PIEZO2: variants seen among roughly 807,000 people sequenced by gnomAD.
The protein encoded by PIEZO2 is piezo type mechanosensitive ion channel component 2.
Under a neutral mutation model 337.3 loss-of-function variants are expected in PIEZO2, and 172 were observed. The observed-to-expected ratio is 0.51, with a 90% CI of 0.45 to 0.58. The LOEUF (loss-of-function observed/expected upper bound fraction) is 0.58, where lower values mean the gene tolerates loss of function less well. Ranked by LOEUF, PIEZO2 falls within the 20% of genes least tolerant of loss-of-function variation. The pLI, the probability that PIEZO2 is intolerant of heterozygous loss-of-function variation, is 0.00. For synonymous variants in PIEZO2, 1,251 were observed against 1,228.5 expected (o/e 1.02, Z -0.38); for missense variants, 3,028 against 3,391.3 (o/e 0.89, Z 2.66).
intron 3 of PIEZO2, among the ~76,000 whole-genome samples, chr18:10,915,427 G>A (rs1430959607): frequency 6.6e-6 from 1 of 151,550 alleles, no homozygotes; most frequent in African/African-American, 2.4e-5. Context: ...ATCTCAAAGA[G>A]CACTCAAGAT....
At chr18:10,908,282 C>T (rs1179985591) in intron 4 of PIEZO2, 1 of 152,104 alleles carries the variant, frequency 6.6e-6, no homozygotes, top group Non-Finnish European at 1.5e-5. Flanking sequence ...TTTTTTTATT[C>T]TTGGAGAAAA....
chr18:10,939,259 T>G (rs1193514417), intron 3 of PIEZO2, among the ~76,000 whole-genome samples: 4 of 152,102 alleles, frequency 2.6e-5, no homozygotes, highest in Non-Finnish European at 5.9e-5. Flanking sequence ...TGCAAAAAAG[T>G]TATATTATCT....
Position 10,714,813 on chromosome 18 carries a change from G to A in PIEZO2, c.5374C>T (p.Gln1792Ter). ...AAACTATCCATCCTGTGGGCTGTCT[G>A]TGCACCTGAAGCAGCTCCGGGATGC... Reference protein sequence around the residue: ...DEHPGAASGAQTAHRMDSLDS... With the variant: ...DEHPGAASGA The change falls in exon 39 of 56, where the codon CAG becomes TAG. Residue 1792 changes from glutamine to a stop codon, truncating the protein, a stop_gained. Coordinates refer to ENST00000674853, the MANE Select transcript of PIEZO2 (RefSeq NM_001378183.1). LOFTEE classifies it high-confidence loss of function. 1 of 1,537,246 alleles carries A rather than the reference G, an allele frequency of 6.5e-7. No homozygotes were observed. The highest frequency in any genetic ancestry group is 8.7e-7 in the Non-Finnish European group (1 of 1,146,900).
intron 3 of PIEZO2, among the ~76,000 whole-genome samples, chr18:10,963,068 C>T (rs886672920): frequency 1.1e-4 from 16 of 152,010 alleles, no homozygotes; most frequent in Non-Finnish European, 1.9e-4. Context: ...GGGTGGATCA[C>T]GAGGTCAGGA....
In PIEZO2 at chr18:10,953,259, T is replaced by C. The variant is rs1186913127; in HGVS notation, c.286+26276A>G. On this transcript the variant is annotated intron_variant, in intron 3 of 55. Transcript: ENST00000674853. This position sits in a 1 kb window ranked among gnomAD's most constrained non-coding sequence, Gnocchi z 5.2. The stretch of plus-strand genomic sequence containing the variant: ...CTTCATTTTGATGAAGTGTAATTTA[T>C]CAGTTTTTTCTCTTATGAGTTGTGA... 3.3e-5 allele frequency among the ~76,000 whole-genome samples: 5 copies of C among 152,184 alleles called. No homozygotes were observed. Among genetic ancestry groups the C allele is most frequent in the Admixed American group, 3.3e-4 (5 of 15,270 alleles).
intron 7 of PIEZO2, among the ~76,000 whole-genome samples, chr18:10,829,924 AG>A (rs2040792345): frequency 6.6e-6 from 1 of 151,592 alleles, no homozygotes. Context: ...CATTCTTCAC[AG>A]AAGTAGAAAA....
chr18:10,745,521 G>A lies in PIEZO2; in HGVS notation c.4425-1290C>T, dbSNP rs1288566415. Among the ~76,000 whole-genome samples the A allele has an allele frequency of 3.3e-5, 5 of 152,004 alleles. No individual in the cohort carries two copies. The East Asian group carries it at 5.8e-4, about 18-fold the overall frequency. On this transcript the variant is annotated intron_variant, in intron 30 of 55. Transcript: ENST00000674853. ...CTTTGACCCCACTGTCAAGGTCACC[G>A]ATTTCAATGTTCAGTTGTTATTTTT...
intron 36 of PIEZO2, chr18:10,728,062 A>C (rs539311225): frequency 6.5e-6 from 1 of 152,796 alleles, no homozygotes; most frequent in African/African-American, 2.4e-5. Context: ...AAAATGCTAA[A>C]AGTGTTTAAA....
At chr18:10,880,214 A>G (rs887685162) in intron 4 of PIEZO2, among the ~76,000 whole-genome samples, 20 of 152,210 alleles carry the variant, frequency 1.3e-4, no homozygotes, top group African/African-American at 3.6e-4. Flanking sequence ...ATAATGACCA[A>G]TTGAGGCACT....
chr18:10,805,376 C>A (rs934663765), intron 8 of PIEZO2, among the ~76,000 whole-genome samples: 2 of 152,030 alleles, frequency 1.3e-5, no homozygotes, highest in Non-Finnish European at 1.5e-5. Context: ...ATTAGCCAGG[C>A]GTGGTGTCGG....
chr18:11,116,643 G>C lies in PIEZO2; in HGVS notation c.64+31882C>G, dbSNP rs553244093. 2.0e-5 allele frequency among the ~76,000 whole-genome samples: 3 copies of C among 151,950 alleles called. No individual in the cohort carries two copies. The highest frequency in any genetic ancestry group is 4.4e-5 in the Non-Finnish European group (3 of 67,996). On this transcript the variant is annotated intron_variant, in intron 1 of 55. Transcript: ENST00000674853. This position sits in a 1 kb window ranked among gnomAD's most constrained non-coding sequence, Gnocchi z 5.0. ...AGGCAGGAGAATGGCGTGAACCCGGGAGGCGTAGCTTGCAGTGAGCCGAGA... is the reference window on the plus strand; with the variant it reads ...AGGCAGGAGAATGGCGTGAACCCGGCAGGCGTAGCTTGCAGTGAGCCGAGA...
intron 2 of PIEZO2, among the ~76,000 whole-genome samples, chr18:11,010,664 G>A (rs1291879993): frequency 6.6e-6 from 1 of 152,122 alleles, no homozygotes; most frequent in Admixed American, 6.5e-5. Context: ...TTGAAATGGG[G>A]GGCTCTGAGA....
At chr18:11,029,667 A>G (rs1168546675) in intron 2 of PIEZO2, among the ~76,000 whole-genome samples, 1 of 151,884 alleles carries the variant, frequency 6.6e-6, no homozygotes. Context: ...TTCTTCCTTC[A>G]TTCCTCCCCA....
intron 45 of PIEZO2, among the ~76,000 whole-genome samples, chr18:10,697,087 C>A (rs2035126316): frequency 6.6e-6 from 1 of 152,210 alleles, no homozygotes; most frequent in Non-Finnish European, 1.5e-5. Flanking sequence ...CCCACATACT[C>A]CCCTGGCCTT....
Position 11,021,625 on chromosome 18 carries a change from T to G in PIEZO2, c.161-41965A>C, listed in dbSNP as rs1449158395. ...ACCAAGTGGGGTTCCTGGGGGACTT[T>G]GAGTCTCACGGATCTGGTGATCCAG... On this transcript the variant is annotated intron_variant, in intron 2 of 55. Transcript: ENST00000674853. The surrounding 1 kb of genome is among the most constrained non-coding windows in gnomAD (Gnocchi z 4.7). Among the ~76,000 whole-genome samples, 7 of 152,222 alleles carry G rather than the reference T, an allele frequency of 4.6e-5. No individual in the cohort carries two copies. Among genetic ancestry groups the G allele is most frequent in the Non-Finnish European group, 2.9e-5 (2 of 68,044 alleles).
In PIEZO2 at chr18:10,671,189, C is replaced by T. The variant is rs1567930830; in HGVS notation, c.*338G>A. The stretch of plus-strand genomic sequence containing the variant: ...TGCACGGGCCCCACAGAGGAAAACA[C>T]AGGCATCTTTCTTTCTGACTCCTCT... On this transcript the variant is annotated 3_prime_UTR_variant, in exon 56 of 56. Coordinates refer to ENST00000674853, the MANE Select transcript of PIEZO2 (RefSeq NM_001378183.1). 4.6e-6 allele frequency: 1 copy of T among 218,004 alleles called. No homozygotes were observed. Among genetic ancestry groups the T allele is most frequent in the African/African-American group, 2.4e-5 (1 of 42,524 alleles). The allele number at this position is 218,004 out of a possible 1,614,324, so 13.5% of individuals were successfully genotyped here. A position where few individuals can be genotyped will look rare whatever the true frequency, so the allele number is the denominator to read the frequency against.
Position 11,129,911 on chromosome 18 carries a change from C to T in PIEZO2, c.64+18614G>A, listed in dbSNP as rs1206069874. On this transcript the variant is annotated intron_variant, in intron 1 of 55. Coordinates refer to ENST00000674853, the MANE Select transcript of PIEZO2 (RefSeq NM_001378183.1). This position sits in a 1 kb window ranked among gnomAD's most constrained non-coding sequence, Gnocchi z 4.6. ...AGTGGATCCAGTGGGTCCCCAGCCT[C>T]ATCCTGTGGTCATTTCCCCAATGCC... Among the ~76,000 whole-genome samples the T allele has an allele frequency of 6.6e-6, 1 of 152,142 alleles. No individual in the cohort carries two copies. Among genetic ancestry groups the T allele is most frequent in the Non-Finnish European group, 1.5e-5 (1 of 68,018 alleles).
intron 7 of PIEZO2, among the ~76,000 whole-genome samples, chr18:10,811,524 AAG>A (rs1273626915): frequency 2.0e-5 from 3 of 152,222 alleles, no homozygotes; most frequent in Non-Finnish European, 2.9e-5. Flanking sequence ...GCTTTTAAAA[AAG>A]AGAGAAAGGT....
intron 1 of PIEZO2, among the ~76,000 whole-genome samples, chr18:11,119,102 T>C (rs890079160): frequency 2.6e-5 from 4 of 151,484 alleles, no homozygotes; most frequent in African/African-American, 9.7e-5. Context: ...ATAATAAGAA[T>C]AGTTATTTGG....
Sources: allele counts gnomAD v4.1 joint callset (sites outside exome capture counted in the v4.1 genomes callset), GRCh38; gene constraint gnomAD v4.1.1; non-coding constraint Gnocchi (gnomAD v3.1); transcripts MANE v1.5; gene names NCBI Gene and HGNC (gene_info 2026-07-23, HGNC 2026-07-21).